Variants in RPS10 observed in about 807,000 individuals in gnomAD.
RPS10 encodes the protein small ribosomal subunit protein eS10.
RPS10 carries 2 observed loss-of-function variants against 22.6 expected under a neutral mutation model. The ratio of observed to expected loss-of-function variants is 0.09; its 90% CI spans 0.04 to 0.28. The LOEUF (loss-of-function observed/expected upper bound fraction) is 0.28. Ranked by LOEUF, RPS10 falls within the 10% of genes least tolerant of loss-of-function variation. The pLI is 1.00. For missense variants in RPS10, 137 were observed against 222.2 expected (o/e 0.62, Z 2.44); for synonymous variants, 70 against 75.9 (o/e 0.92, Z 0.40).
chr6:34,419,181 G>A (rs1561937215), intron 4 of RPS10, among the ~76,000 whole-genome samples: 1 of 152,070 alleles, frequency 6.6e-6, no homozygotes, highest in Non-Finnish European at 1.5e-5. Flanking sequence ...ACCATGCATG[G>A]CTAATTTTTT....
At chr6:34,425,030 CG>C in intron 2 of RPS10, 41 bp downstream of exon 2, 1 of 1,611,236 alleles carries the variant, frequency 6.2e-7, no homozygotes, top group East Asian at 2.2e-5. Context: ...GATGGGATCC[CG>C]GGGAGGAAGA....
chr6:34,424,256 C>G, intron 3 of RPS10: 1 of 270,000 alleles, frequency 3.7e-6, no homozygotes. Context: ...GTGGTATACA[C>G]CATCCGTTCT....
chr6:34,419,572 T>G lies in RPS10; in HGVS notation c.401-1148A>C, dbSNP rs1465203240. Among the ~76,000 whole-genome samples the G allele has an allele frequency of 3.6e-5, 3 of 83,970 alleles. No homozygotes were observed. In the East Asian group the frequency reaches 1.0e-3, roughly 29 times the overall value. 55.1% of individuals were successfully genotyped at this position (83,970 alleles called of 152,430 possible). On this transcript the variant is annotated intron_variant, in intron 4 of 5. Transcript: ENST00000648437. ...ATTTTTTAAACCGATTTATTTGTATTTATTTACTTATTTTTTTTTTTTGAG... is the reference window on the plus strand; with the variant it reads ...ATTTTTTAAACCGATTTATTTGTATGTATTTACTTATTTTTTTTTTTTGAG...
intron 5 of RPS10, 102 bp from the exon 6 acceptor site, chr6:34,417,649 A>C: frequency 9.1e-7 from 1 of 1,097,016 alleles, no homozygotes. Flanking sequence ...GAGGCCCCCA[A>C]ATGTAAACAG....
intron 3 of RPS10, 75 bp downstream of exon 3, chr6:34,424,594 G>A (rs1765888441): frequency 1.3e-6 from 2 of 1,584,382 alleles, no homozygotes; most frequent in Admixed American, 1.8e-5. Flanking sequence ...GCTGACATCA[G>A]CTAAGAATGC....
At chr6:34,420,712 A>C (rs1001182481) in intron 4 of RPS10, among the ~76,000 whole-genome samples, 1 of 151,864 alleles carries the variant, frequency 6.6e-6, no homozygotes, top group Non-Finnish European at 1.5e-5. Context: ...ATCAACAACG[A>C]GTGACTTTAT....
At chr6:34,423,082 A>G (rs564166273) in intron 3 of RPS10, among the ~76,000 whole-genome samples, 1 of 151,974 alleles carries the variant, frequency 6.6e-6, no homozygotes, top group African/African-American at 2.4e-5. Context: ...CAAACAAACA[A>G]ACACAATCAG....
chr6:34,422,573 C>T (rs1204533077), intron 3 of RPS10, among the ~76,000 whole-genome samples: 1 of 152,112 alleles, frequency 6.6e-6, no homozygotes, highest in Non-Finnish European at 1.5e-5. Flanking sequence ...CCTTGGCCTT[C>T]CAAAGTGATG....
intron 3 of RPS10, among the ~76,000 whole-genome samples, chr6:34,422,088 G>C (rs1201358839): frequency 6.6e-6 from 1 of 151,686 alleles, no homozygotes; most frequent in Non-Finnish European, 1.5e-5. Flanking sequence ...ACCAATCTAG[G>C]TATCTAGCTA....
chr6:34,423,399 TG>T (rs1224932798), intron 3 of RPS10, among the ~76,000 whole-genome samples: 1 of 152,202 alleles, frequency 6.6e-6, no homozygotes, highest in Admixed American at 6.5e-5. Flanking sequence ...CCTAAAGTGC[TG>T]GGATTACAGG....
intron 3 of RPS10, among the ~76,000 whole-genome samples, chr6:34,422,812 T>C (rs114822359): frequency 0.088 from 13,154 of 150,286 alleles, 1,300 homozygotes; most frequent in East Asian, 0.45. Context: ...CCAGACGCAG[T>C]GGCTCATGCC....
chr6:34,423,572 T>C (rs779461370), intron 3 of RPS10, among the ~76,000 whole-genome samples: 22 of 152,270 alleles, frequency 1.4e-4, no homozygotes, highest in Non-Finnish European at 2.8e-4. Context: ...CAAGATGTAG[T>C]AGACAACTTT....
chr6:34,422,657 C>T (rs1012339609), intron 3 of RPS10, among the ~76,000 whole-genome samples: 2 of 148,826 alleles, frequency 1.3e-5, no homozygotes, highest in Admixed American at 1.3e-4. Flanking sequence ...CAGGGTTTTA[C>T]CATGTTAGAC....
chr6:34,421,958 A>C, intron 3 of RPS10, 151 bp from the exon 4 acceptor site: 1 of 695,532 alleles, frequency 1.4e-6, no homozygotes, highest in Non-Finnish European at 2.5e-6. Context: ...TAAACCTACA[A>C]TGTCAGCTAG....
At chr6:34,418,650 C>G (rs1050361610) in intron 4 of RPS10, among the ~76,000 whole-genome samples, 1 of 152,140 alleles carries the variant, frequency 6.6e-6, no homozygotes, top group African/African-American at 2.4e-5. Context: ...ACAGCCCAAA[C>G]TATAAATCCT....
chr6:34,420,989 C>G (rs1334228420), intron 4 of RPS10, among the ~76,000 whole-genome samples: 1 of 145,022 alleles, frequency 6.9e-6, no homozygotes, highest in Non-Finnish European at 1.5e-5. Flanking sequence ...GCCTGGGTGA[C>G]AGAGCGAGAC....
intron 3 of RPS10, chr6:34,424,288 TCTC>T: frequency 3.5e-6 from 1 of 288,894 alleles, no homozygotes; most frequent in Non-Finnish European, 6.8e-6. Context: ...TCTAATTTCT[TCTC>T]CTGTTGGCAA....
chr6:34,417,575 A>G, intron 5 of RPS10, 28 bp from the exon 6 acceptor site: 3 of 1,613,138 alleles, frequency 1.9e-6, no homozygotes, highest in Non-Finnish European at 2.5e-6. Flanking sequence ...TCACATCAGC[A>G]TGAGCGGCAC....
chr6:34,421,285 G>A (rs904207148), intron 4 of RPS10, among the ~76,000 whole-genome samples: 1 of 151,900 alleles, frequency 6.6e-6, no homozygotes, highest in Non-Finnish European at 1.5e-5. Context: ...CCAGGTTCAA[G>A]CAATTCTCAT....
Sources: gnomAD v4.1 joint callset for allele counts (sites outside exome capture counted in the v4.1 genomes callset) on GRCh38, gnomAD v4.1.1 for gene constraint, MANE v1.5 for transcripts, NCBI Gene and HGNC (gene_info 2026-07-23, HGNC 2026-07-21) for gene names.